The following LPCAT4 variants were observed in gnomAD, a reference collection of about 807,000 sequenced individuals.
LPCAT4 encodes the protein lysophospholipid acyltransferase LPCAT4.
In LPCAT4, 30 loss-of-function variants were observed where a neutral mutation model predicts 66.5. The observed-to-expected ratio is 0.45, with a 90% CI of 0.34 to 0.61. The LOEUF (loss-of-function observed/expected upper bound fraction) is 0.61. Ranked by LOEUF, LPCAT4 falls within the 20% of genes least tolerant of loss-of-function variation. The pLI, the probability that LPCAT4 is intolerant of heterozygous loss-of-function variation, is 0.01. For synonymous variants in LPCAT4, 253 were observed against 262.1 expected (o/e 0.97, Z 0.34); for missense variants, 557 against 656.7 (o/e 0.85, Z 1.66).
In LPCAT4 at chr15:34,363,473, G is replaced by T; in HGVS notation, c.712-17C>A. On this transcript the variant is annotated splice_polypyrimidine_tract_variant and intron_variant, in intron 6 of 13. Transcript: ENST00000314891. The surrounding 1 kb of genome is among the most constrained non-coding windows in gnomAD (Gnocchi z 4.3). ...GGTGGTGTCCTATGGGAGAAACACA[G>T]GTGAGGGCATAAGAGCATTACTTTT... The T allele has an allele frequency of 1.9e-6, 3 of 1,614,096 alleles. No homozygotes were observed. Among genetic ancestry groups the T allele is most frequent in the Admixed American group, 3.3e-5 (2 of 60,010 alleles).
Position 34,365,162 on chromosome 15 carries a change from C to G in LPCAT4, c.324G>C (p.Arg108=), listed in dbSNP as rs1016418923. The G allele has an allele frequency of 6.2e-7, 1 of 1,614,168 alleles. No individual in the cohort carries two copies. Among genetic ancestry groups the G allele is most frequent in the African/African-American group, 1.3e-5 (1 of 75,058 alleles). Residue 108 remains arginine, a synonymous_variant, in exon 3 of 14, where the codon CGG becomes CGC. Coordinates refer to ENST00000314891, the MANE Select transcript of LPCAT4 (RefSeq NM_153613.3). ...AGGCTCGCTGGCCACGAACGCGAAT[C>G]CGGAGGAAGCCCAGCAGGAAAAACA... ...RLLFFLLGFL[R]IRVRGQRASR...
Position 34,363,798 on chromosome 15 carries a change from G to T in LPCAT4, c.653-79C>A. 1.3e-6 allele frequency: 2 copies of T among 1,506,152 alleles called. No homozygotes were observed. Among genetic ancestry groups the T allele is most frequent in the Non-Finnish European group, 1.8e-6 (2 of 1,082,766 alleles). 93.3% of individuals were successfully genotyped at this position (1,506,152 alleles called of 1,614,324 possible). On this transcript the variant is annotated intron_variant, in intron 5 of 13. Transcript: ENST00000314891. This position sits in a 1 kb window ranked among gnomAD's most constrained non-coding sequence, Gnocchi z 4.3. ...TAGCTAGAGGGCATGAGGTATGGCA[G>T]TCTGGGACAGTTCTCAAATGAGATA...
Position 34,367,081 on chromosome 15 carries a change from C to T in LPCAT4, c.20G>A (p.Gly7Glu). ...GGTGGGATCTAGGGGGGCCCAGTCC[C>T]CCGGACTTCCCTGGCTCATGGCGGG... is the stretch of plus-strand genomic sequence containing the variant. MSQGSP[G>E]DWAPLDPTPG... is the part of the protein sequence containing the mutation. The change falls in exon 1 of 14, where the codon GGG (glycine) becomes GAG (glutamate). Residue 7 changes from glycine (G) to glutamate (E), a missense_variant. Transcript: ENST00000314891. 1 of 1,552,078 alleles carries T rather than the reference C, an allele frequency of 6.4e-7. No individual in the cohort carries two copies. Among genetic ancestry groups the T allele is most frequent in the South Asian group, 1.2e-5 (1 of 84,422 alleles).
At chr15:34,359,338 C>G in intron 13 of LPCAT4, 36 bp from the exon 14 acceptor site, 2 of 1,464,116 alleles carry the variant, frequency 1.4e-6, no homozygotes, top group Non-Finnish European at 1.8e-6. Context: ...GTGAAAAGAT[C>G]TAAGAACGAG....
chr15:34,363,388 C>T lies in LPCAT4; in HGVS notation c.746+34G>A. The T allele has an allele frequency of 6.2e-7, 1 of 1,607,074 alleles. No homozygotes were observed. The highest frequency in any genetic ancestry group is 8.5e-7 in the Non-Finnish European group (1 of 1,176,542). ...CAGGAATTCTCTGATGGACCCTGCT[C>T]CCCACCCTCACCCCCAGGAATACCA... On this transcript the variant is annotated intron_variant, in intron 7 of 13. Coordinates refer to ENST00000314891, the MANE Select transcript of LPCAT4 (RefSeq NM_153613.3). The surrounding 1 kb of genome is among the most constrained non-coding windows in gnomAD (Gnocchi z 4.3).
rs760136372 is a variant in LPCAT4, at chr15:34,362,818, G to A, written c.765C>T (p.Leu255=). The part of the protein sequence containing the change: ...RGPGVLKVLW[L]TASQPCSIVD... ...CAATGCTGCAGGGCTGAGAGGCTGT[G>A]AGCCAGAGGACTTTGAGTCTAAGAG... is the stretch of plus-strand genomic sequence containing the variant. Residue 255 remains leucine (L), a synonymous_variant, in exon 8 of 14, where the codon CTC becomes CTT. Transcript: ENST00000314891. 4 of 1,614,178 alleles carry A rather than the reference G, an allele frequency of 2.5e-6. No individual in the cohort carries two copies. In the South Asian group the frequency reaches 4.4e-5, roughly 18 times the overall value.
chr15:34,362,959 T>C (rs1052594053), intron 7 of LPCAT4, 123 bp from the exon 8 acceptor site: 22 of 918,500 alleles, frequency 2.4e-5, no homozygotes, highest in Admixed American at 6.0e-5. Flanking sequence ...CCATTGATAA[T>C]AGGGACAGAC....
At chr15:34,366,849 G>C in intron 1 of LPCAT4, 138 bp downstream of exon 1, 1 of 1,351,148 alleles carries the variant, frequency 7.4e-7, no homozygotes, top group Non-Finnish European at 1.0e-6. Flanking sequence ...CCCCACGTGC[G>C]CACCCCCGGA....
chr15:34,366,625 C>G (rs935510525), intron 1 of LPCAT4, among the ~76,000 whole-genome samples: 1 of 148,664 alleles, frequency 6.7e-6, no homozygotes, highest in Non-Finnish European at 1.5e-5. Flanking sequence ...CCCGCCCCCG[C>G]CCCCACCCCC....
Position 34,359,212 on chromosome 15 carries a change from G to A in LPCAT4, c.1490C>T (p.Ser497Phe), listed in dbSNP as rs776964919. The change falls in exon 14 of 14, where the codon TCC becomes TTC. Residue 497 changes from serine (S) to phenylalanine (F), a missense_variant. Physicochemically the swap from Ser to Phe is radical, Grantham distance 155. Coordinates refer to ENST00000314891, the MANE Select transcript of LPCAT4 (RefSeq NM_153613.3). The part of the protein sequence containing the change: ...LRPPHTSRGT[S>F]QTPNASSPGN... The stretch of plus-strand genomic sequence containing the variant: ...TGGGGATGAGGCATTTGGTGTCTGG[G>A]AGGTGCCTCGAGAGGTGTGTGGGGG... The A allele has an allele frequency of 8.8e-6, 14 of 1,594,674 alleles. No homozygotes were observed. Among genetic ancestry groups the A allele is most frequent in the African/African-American group, 1.3e-5 (1 of 74,592 alleles).
At chr15:34,365,737 TG>T (rs1424158355) in intron 1 of LPCAT4, 36 bp from the exon 2 acceptor site, 80 of 1,609,676 alleles carry the variant, frequency 5.0e-5, no homozygotes, top group Non-Finnish European at 6.4e-5. Context: ...CTTTAGAGCT[TG>T]GATATGCTCC....
At chr15:34,362,030 T>C (rs1002661053) in intron 10 of LPCAT4, among the ~76,000 whole-genome samples, 166 bp downstream of exon 10, 2 of 152,146 alleles carry the variant, frequency 1.3e-5, no homozygotes, top group Admixed American at 1.3e-4. Context: ...CATTATTACA[T>C]ATCCTTCCAT....
At chr15:34,359,512 C>T (rs1890890407) in intron 13 of LPCAT4, 77 bp downstream of exon 13, 7 of 1,538,254 alleles carry the variant, frequency 4.6e-6, no homozygotes, top group Non-Finnish European at 6.2e-6. Context: ...AACCCTTGTT[C>T]CCTCCCAGCC....
rs532562244 is a variant in LPCAT4 at position 34,365,339 on chromosome 15, G to A, written c.258-111C>T. 3.6e-5 allele frequency: 46 copies of A among 1,260,768 alleles called. 1 individual carries two copies. The highest frequency in any genetic ancestry group is 2.0e-4 in the Admixed American group (9 of 45,280). 78.1% of individuals were successfully genotyped at this position (1,260,768 alleles called of 1,614,324 possible). A position where few individuals can be genotyped will look rare whatever the true frequency, so the allele number is the denominator to read the frequency against. ...CCCCTCTTTTACCCTTAAATAGGAT[G>A]TGACCAAGGGGCCAAGGTCTCTGGC... On this transcript the variant is annotated intron_variant, in intron 2 of 13. Coordinates refer to ENST00000314891, the MANE Select transcript of LPCAT4 (RefSeq NM_153613.3).
In LPCAT4 at chr15:34,363,677, C is replaced by T. The variant is rs1566894633; in HGVS notation, c.695G>A (p.Arg232His). 3.1e-6 allele frequency: 5 copies of T among 1,614,116 alleles called. No individual in the cohort carries two copies. Among genetic ancestry groups the T allele is most frequent in the East Asian group, 2.2e-5 (1 of 44,884 alleles). ...AAGACTCACCAGACTGTTGGGGTAG[C>T]GGATGAGGACAGGCTGCACAGGCAC... is the stretch of plus-strand genomic sequence containing the variant. Reference protein sequence around the residue: ...AGVPVQPVLIRYPNSLDTTSW... With the variant: ...AGVPVQPVLIHYPNSLDTTSW... Residue 232 changes from arginine to histidine, a missense_variant, in exon 6 of 14, where the codon CGC (arginine) becomes CAC (histidine). Arg to His is a conservative substitution (Grantham distance 29). Coordinates refer to ENST00000314891, the MANE Select transcript of LPCAT4 (RefSeq NM_153613.3). This position sits in a 1 kb window ranked among gnomAD's most constrained non-coding sequence, Gnocchi z 4.3.
At chr15:34,365,817 A>T in intron 1 of LPCAT4, 116 bp from the exon 2 acceptor site, 1 of 1,281,294 alleles carries the variant, frequency 7.8e-7, no homozygotes, top group African/African-American at 1.5e-5. Flanking sequence ...TGCATGTGAC[A>T]GGTGGTGTGG....
chr15:34,363,998 T>C lies in LPCAT4; in HGVS notation c.652+15A>G. The C allele has an allele frequency of 1.9e-6, 3 of 1,608,908 alleles. No individual in the cohort carries two copies. Among genetic ancestry groups the C allele is most frequent in the South Asian group, 2.2e-5 (2 of 90,998 alleles). On this transcript the variant is annotated intron_variant, in intron 5 of 13. Coordinates refer to ENST00000314891, the MANE Select transcript of LPCAT4 (RefSeq NM_153613.3). The surrounding 1 kb of genome is among the most constrained non-coding windows in gnomAD (Gnocchi z 4.3). Reference sequence around the variant, plus strand: ...CTTTTTCCTACAGCCCACCACCCACTATCATTTTATTCACCTGGTTTGAAC... The same window carrying C: ...CTTTTTCCTACAGCCCACCACCCACCATCATTTTATTCACCTGGTTTGAAC...
chr15:34,364,455 C>T, intron 3 of LPCAT4, 149 bp from the exon 4 acceptor site: 2 of 580,748 alleles, frequency 3.4e-6, no homozygotes, highest in Non-Finnish European at 6.0e-6. Flanking sequence ...CAGAGTTTCG[C>T]TTTTGTTGCC....
chr15:34,359,561 G>C, intron 13 of LPCAT4, 28 bp downstream of exon 13: 2 of 1,605,108 alleles, frequency 1.2e-6, no homozygotes, highest in East Asian at 4.5e-5. Context: ...CCAAGTGCCC[G>C]TGTGGGGCTG....
Sources: allele counts gnomAD v4.1 joint callset (sites outside exome capture counted in the v4.1 genomes callset), GRCh38; gene constraint gnomAD v4.1.1; non-coding constraint Gnocchi (gnomAD v3.1); transcripts MANE v1.5; gene names NCBI Gene and HGNC (gene_info 2026-07-23, HGNC 2026-07-21).